Variants in GRIP1 observed in about 807,000 individuals in gnomAD.
The protein encoded by GRIP1 is glutamate receptor interacting protein 1, also known as glutamate receptor-interacting protein 1.
In GRIP1, 45 loss-of-function variants were observed where a neutral mutation model predicts 129.9. The observed-to-expected ratio is 0.35, with a 90% CI of 0.27 to 0.44. GRIP1 has a LOEUF of 0.44. GRIP1 is among the 20% of genes least tolerant of loss of function. The pLI is 1.00. For missense variants in GRIP1, 1,196 were observed against 1,396.8 expected (o/e 0.86, Z 2.29); for synonymous variants, 530 against 520.8 (o/e 1.02, Z -0.24).
intron 1 of GRIP1, among the ~76,000 whole-genome samples, chr12:66,778,589 T>C (rs1279190328): frequency 6.6e-6 from 1 of 152,160 alleles, no homozygotes; most frequent in African/African-American, 2.4e-5. Context: ...CAGTGTCGTT[T>C]TTCTGCATGT....
intron 1 of GRIP1, among the ~76,000 whole-genome samples, chr12:66,747,774 T>C (rs989513817): frequency 6.6e-6 from 1 of 152,178 alleles, no homozygotes; most frequent in African/African-American, 2.4e-5. Flanking sequence ...TTGTGAACTC[T>C]GTGAAATGTA....
chr12:66,672,149 CCATT>C (rs1215753335), intron 1 of GRIP1, among the ~76,000 whole-genome samples: 2 of 152,080 alleles, frequency 1.3e-5, no homozygotes, highest in African/African-American at 4.8e-5. Flanking sequence ...CCATTGGTTT[CCATT>C]ATTATGATGA....
intron 1 of GRIP1, among the ~76,000 whole-genome samples, chr12:66,886,138 C>T (rs10878516): frequency 0.082 from 12,517 of 151,926 alleles, 805 homozygotes; most frequent in East Asian, 0.26. Context: ...TGGTGGGGCA[C>T]GCCTGTAGTC....
At chr12:66,917,706 A>T (rs2041147596) in intron 1 of GRIP1, among the ~76,000 whole-genome samples, 1 of 152,206 alleles carries the variant, frequency 6.6e-6, no homozygotes, top group African/African-American at 2.4e-5. Context: ...ATGTTCTGAG[A>T]CACTTTAAAA....
At position 66,392,348 on chromosome 12, in the gene GRIP1, T is replaced by C; in HGVS notation, c.2424A>G (p.Ser808=). The C allele has an allele frequency of 1.2e-6, 2 of 1,613,446 alleles. No individual in the cohort carries two copies. The highest frequency in any genetic ancestry group is 1.1e-5 in the South Asian group (1 of 91,068). ...TGGTGTCTATTGCAGACCCATCCCATGAATCCACAGCACTGTCCACACTGG... is the reference window on the plus strand; with the variant it reads ...TGGTGTCTATTGCAGACCCATCCCACGAATCCACAGCACTGTCCACACTGG... ...TVPSVDSAVD[S]WDGSAIDTSY... is the part of the protein sequence containing the mutation. The change falls in exon 19 of 25, where the codon TCA becomes TCG. Residue 808 remains serine (S), a synonymous_variant. Transcript: ENST00000359742.
chr12:67,036,045 A>G (rs540658227), intron 1 of GRIP1, among the ~76,000 whole-genome samples: 70 of 152,298 alleles, frequency 4.6e-4, no homozygotes, highest in Non-Finnish European at 6.3e-4. Flanking sequence ...ACTTCTCTTC[A>G]TCTAAAATTT....
At chr12:66,480,889 T>G (rs557102480) in intron 7 of GRIP1, among the ~76,000 whole-genome samples, 3 of 152,266 alleles carry the variant, frequency 2.0e-5, no homozygotes, top group African/African-American at 7.2e-5. Flanking sequence ...ACCCCTTTCT[T>G]ACACCTATAC....
intron 14 of GRIP1, among the ~76,000 whole-genome samples, chr12:66,423,199 A>G (rs1031083554): frequency 9.2e-5 from 14 of 152,240 alleles, no homozygotes; most frequent in African/African-American, 3.4e-4. Context: ...TATTAGCTAT[A>G]TGTGCTTGAG....
intron 1 of GRIP1, among the ~76,000 whole-genome samples, chr12:66,906,823 CTTTTT>C (rs1448811244): frequency 2.0e-5 from 3 of 152,140 alleles, no homozygotes; most frequent in South Asian, 2.1e-4. Context: ...GTTGGCTTTT[CTTTTT>C]AACTTTTTAT....
intron 8 of GRIP1, among the ~76,000 whole-genome samples, chr12:66,464,645 C>T (rs1227806509): frequency 3.9e-5 from 6 of 152,144 alleles, no homozygotes; most frequent in Non-Finnish European, 8.8e-5. Context: ...CCCTAGGACA[C>T]AGTAAGAAAA....
intron 1 of GRIP1, among the ~76,000 whole-genome samples, chr12:66,724,815 A>C (rs1010576749): frequency 4.6e-5 from 7 of 152,162 alleles, no homozygotes; most frequent in African/African-American, 1.7e-4. Flanking sequence ...GGAAGGGACA[A>C]TCTGCCTGAG....
chr12:66,760,649 C>T (rs1348336216), intron 1 of GRIP1, among the ~76,000 whole-genome samples: 2 of 152,106 alleles, frequency 1.3e-5, no homozygotes, highest in African/African-American at 2.4e-5. Context: ...CTGGGAGATA[C>T]AATTCAAGCT....
chr12:66,908,457 A>G (rs2040972884), intron 1 of GRIP1, among the ~76,000 whole-genome samples: 1 of 152,208 alleles, frequency 6.6e-6, no homozygotes, highest in African/African-American at 2.4e-5. Context: ...TTCATGTAAG[A>G]TCTGGCCCTT....
chr12:66,429,499 C>T (rs1032167728), intron 14 of GRIP1, among the ~76,000 whole-genome samples: 8 of 152,018 alleles, frequency 5.3e-5, no homozygotes, highest in African/African-American at 1.7e-4. Flanking sequence ...AAGTTCAAGA[C>T]CAGCCTGGGC....
At chr12:66,609,797 C>G (rs1469980793) in intron 1 of GRIP1, among the ~76,000 whole-genome samples, 1 of 152,156 alleles carries the variant, frequency 6.6e-6, no homozygotes, top group Non-Finnish European at 1.5e-5. Context: ...GAGTTACTGA[C>G]ATTTACAAAC....
rs149824214 is a variant in GRIP1 at position 66,855,091 on chromosome 12, G to A, written c.58+213959C>T. Among the ~76,000 whole-genome samples the A allele has an allele frequency of 3.3e-4, 50 of 151,790 alleles. 1 individual carries two copies. The highest frequency in any genetic ancestry group is 1.9e-3 in the East Asian group (10 of 5,146). ...TGTGAGGAGTGGGGAGCTGTCTAGCGGAGAAACCAAACTAGTAATCAAATG... is the reference window on the plus strand; with the variant it reads ...TGTGAGGAGTGGGGAGCTGTCTAGCAGAGAAACCAAACTAGTAATCAAATG... On this transcript the variant is annotated intron_variant, in intron 1 of 1. Transcript: ENST00000643019.
At chr12:66,462,504 T>G (rs763366811) in intron 9 of GRIP1, among the ~76,000 whole-genome samples, 1 of 152,258 alleles carries the variant, frequency 6.6e-6, no homozygotes, top group East Asian at 1.9e-4. Context: ...AATTTTTTCC[T>G]CGATGTTAGG....
intron 2 of GRIP1, among the ~76,000 whole-genome samples, chr12:66,578,930 G>A (rs945114221): frequency 6.0e-4 from 92 of 152,318 alleles, no homozygotes; most frequent in Middle Eastern, 3.4e-3. Context: ...CGCAGCTGGA[G>A]ATCTGAGAAC....
chr12:66,402,700 C>CT (rs1425252089), intron 16 of GRIP1, among the ~76,000 whole-genome samples: 4 of 152,172 alleles, frequency 2.6e-5, no homozygotes, highest in African/African-American at 9.7e-5. Flanking sequence ...AGCAATATTT[C>CT]TGGGGGTGGA....
Sources: allele counts gnomAD v4.1 joint callset (sites outside exome capture counted in the v4.1 genomes callset), GRCh38; gene constraint gnomAD v4.1.1; transcripts MANE v1.5; gene names NCBI Gene and HGNC (gene_info 2026-07-23, HGNC 2026-07-21).